Variants in CSMD3 observed in about 807,000 individuals in gnomAD.
CSMD3 encodes CUB and sushi domain-containing protein 3.
A neutral mutation model predicts 435.2 loss-of-function variants in CSMD3; 177 were observed. That is an observed-to-expected ratio of 0.41 (90% CI 0.36 to 0.46). The LOEUF (loss-of-function observed/expected upper bound fraction) is 0.46. Ranked by LOEUF, CSMD3 falls within the 20% of genes least tolerant of loss-of-function variation. CSMD3 has a pLI of 0.34. For synonymous variants in CSMD3, 1,656 were observed against 1,520.5 expected (o/e 1.09, Z -2.07); for missense variants, 4,265 against 4,504.6 (o/e 0.95, Z 1.52).
chr8:112,792,411 G>A (rs112978042), intron 13 of CSMD3, among the ~76,000 whole-genome samples: 1 of 152,104 alleles, frequency 6.6e-6, no homozygotes, highest in African/African-American at 2.4e-5. Context: ...GAGAGACAGA[G>A]TGGTCTCTGG....
intron 23 of CSMD3, among the ~76,000 whole-genome samples, chr8:112,585,152 A>G (rs1830625732): frequency 6.6e-6 from 1 of 151,626 alleles, no homozygotes; most frequent in Non-Finnish European, 1.5e-5. Context: ...AATTGTCTCT[A>G]TAGAGTGGCT....
chr8:112,316,722 G>A (rs1322192279), intron 47 of CSMD3, among the ~76,000 whole-genome samples: 1 of 151,806 alleles, frequency 6.6e-6, no homozygotes, highest in African/African-American at 2.4e-5. Flanking sequence ...AGTTTAAAGT[G>A]CTCAAAATCT....
intron 31 of CSMD3, among the ~76,000 whole-genome samples, chr8:112,491,373 G>A (rs1245952036): frequency 2.0e-5 from 3 of 151,768 alleles, no homozygotes; most frequent in Non-Finnish European, 4.4e-5. Flanking sequence ...ATGTACTCTC[G>A]GCCGGGTGCA....
intron 3 of CSMD3, among the ~76,000 whole-genome samples, chr8:113,237,056 T>A (rs1020141015): frequency 6.6e-6 from 1 of 152,130 alleles, no homozygotes; most frequent in Non-Finnish European, 1.5e-5. Flanking sequence ...AACATCATGC[T>A]TGACAATATT....
intron 3 of CSMD3, 42 bp from the exon 4 acceptor site, chr8:113,173,958 T>A (rs772497902): frequency 2.1e-6 from 3 of 1,407,908 alleles, no homozygotes; most frequent in Non-Finnish European, 3.0e-6. Flanking sequence ...GTTATTTCAA[T>A]AAGCAGTTTA....
chr8:112,513,965 A>T (rs889442538), intron 28 of CSMD3, among the ~76,000 whole-genome samples: 15 of 152,172 alleles, frequency 9.9e-5, no homozygotes, highest in Admixed American at 5.2e-4. Flanking sequence ...TATATTCCTT[A>T]TCACAAAATA....
chr8:112,700,726 G>A (rs1177829855), intron 13 of CSMD3, among the ~76,000 whole-genome samples: 1 of 152,016 alleles, frequency 6.6e-6, no homozygotes, highest in Non-Finnish European at 1.5e-5. Flanking sequence ...CTTGTCAATT[G>A]CAACATAAAC....
At chr8:112,681,299 G>T (rs1563845779) in intron 16 of CSMD3, among the ~76,000 whole-genome samples, 1 of 151,352 alleles carries the variant, frequency 6.6e-6, no homozygotes, top group South Asian at 2.1e-4. Context: ...TGATCCGCCC[G>T]CCTTGGCCTC....
chr8:113,262,071 A>C (rs1185564004), intron 3 of CSMD3, among the ~76,000 whole-genome samples: 1 of 152,070 alleles, frequency 6.6e-6, no homozygotes, highest in South Asian at 2.1e-4. Flanking sequence ...CTATTACCAT[A>C]TATGTCTTAC....
chr8:112,556,394 C>A lies in CSMD3; in HGVS notation c.4234+369G>T, dbSNP rs150350808. 3.6e-3 allele frequency among the ~76,000 whole-genome samples: 543 copies of A among 151,910 alleles called. 2 individuals are homozygous for A. The highest frequency in any genetic ancestry group is 0.013 in the African/African-American group (521 of 41,468). On this transcript the variant is annotated intron_variant, in intron 25 of 70. Transcript: ENST00000297405. The stretch of plus-strand genomic sequence containing the variant: ...TTTTCTCTAATCCACCTTGATTCCA[C>A]AATAGGTAATAATTTTGTAAATTAA...
intron 27 of CSMD3, among the ~76,000 whole-genome samples, chr8:112,545,498 A>ATAAAT (rs1304263865): frequency 1.4e-5 from 2 of 141,208 alleles, no homozygotes; most frequent in African/African-American, 5.4e-5. Context: ...AAAAAAAAAA[A>ATAAAT]AAAAATAATA....
chr8:113,042,105 T>C (rs1249219499), intron 5 of CSMD3, among the ~76,000 whole-genome samples: 1 of 152,218 alleles, frequency 6.6e-6, no homozygotes, highest in Non-Finnish European at 1.5e-5. Flanking sequence ...TACATTCATG[T>C]CATGAAACAC....
intron 4 of CSMD3, among the ~76,000 whole-genome samples, chr8:113,151,191 T>C (rs981297680): frequency 6.6e-6 from 1 of 151,972 alleles, no homozygotes; most frequent in Non-Finnish European, 1.5e-5. Context: ...ACTAACACAA[T>C]ACCACATTCA....
intron 3 of CSMD3, among the ~76,000 whole-genome samples, chr8:113,183,103 T>C (rs2092447488): frequency 6.6e-6 from 1 of 152,060 alleles, no homozygotes; most frequent in Admixed American, 6.6e-5. Flanking sequence ...TCCTGTTCTC[T>C]AGGAGGTGCT....
intron 37 of CSMD3, among the ~76,000 whole-genome samples, chr8:112,381,916 C>G (rs373473366): frequency 6.6e-6 from 1 of 152,096 alleles, no homozygotes; most frequent in Admixed American, 6.6e-5. Context: ...AGAGCTAGCA[C>G]TTAGTAATCA....
At chr8:113,069,093 ACTT>A (rs1476989568) in intron 5 of CSMD3, among the ~76,000 whole-genome samples, 4 of 151,972 alleles carry the variant, frequency 2.6e-5, no homozygotes, top group Admixed American at 2.0e-4. Flanking sequence ...ATATATATGA[ACTT>A]CTTACCTCCC....
intron 3 of CSMD3, among the ~76,000 whole-genome samples, chr8:113,215,012 G>C (rs1273008677): frequency 6.6e-6 from 1 of 151,790 alleles, no homozygotes; most frequent in African/African-American, 2.4e-5. Flanking sequence ...AGTGTAAAGA[G>C]ACATATTGTA....
At chr8:112,556,160 A>T (rs1305935903) in intron 25 of CSMD3, among the ~76,000 whole-genome samples, 1 of 152,054 alleles carries the variant, frequency 6.6e-6, no homozygotes, top group Non-Finnish European at 1.5e-5. Flanking sequence ...TTGTCTATCT[A>T]CCTTCCCACC....
intron 5 of CSMD3, among the ~76,000 whole-genome samples, chr8:113,023,204 C>A (rs1361534007): frequency 1.3e-5 from 2 of 152,060 alleles, no homozygotes; most frequent in Non-Finnish European, 2.9e-5. Context: ...CAACAGCTAT[C>A]ATTTTTGATT....
Sources: gnomAD v4.1 joint callset for allele counts (sites outside exome capture counted in the v4.1 genomes callset) on GRCh38, gnomAD v4.1.1 for gene constraint, MANE v1.5 for transcripts, NCBI Gene and HGNC (gene_info 2026-07-23, HGNC 2026-07-21) for gene names.